The following KCNN2 variants were observed in gnomAD, a reference collection of about 807,000 sequenced individuals.
KCNN2 encodes the protein small conductance calcium-activated potassium channel protein 2.
A neutral mutation model predicts 55.5 loss-of-function variants in KCNN2; 24 were observed. The ratio of observed to expected loss-of-function variants is 0.43; its 90% confidence interval spans 0.31 to 0.61. The LOEUF (loss-of-function observed/expected upper bound fraction) is 0.61. Among genes scored for constraint, KCNN2 ranks in the 20% least tolerant of loss-of-function variants. The pLI is 0.08. For missense variants in KCNN2, 754 were observed against 853.6 expected, an observed-to-expected ratio of 0.88 and a Z score of 1.45; for synonymous variants, 431 against 336.1, an observed-to-expected ratio of 1.28 and a Z score of -3.09.
At chr5:114,158,902 G>A (rs4705630) in intron 1 of KCNN2, among the ~76,000 whole-genome samples, 17,445 of 152,058 alleles carry the variant, frequency 0.11, 1,164 homozygotes, top group Middle Eastern at 0.24. Context: ...GGAGATTTTG[G>A]GCTGAGATGA....
chr5:114,266,979 C>A (rs1300004419), intron 2 of KCNN2, among the ~76,000 whole-genome samples: 1 of 143,182 alleles, frequency 7.0e-6, no homozygotes, highest in East Asian at 2.2e-4. Flanking sequence ...GCTTCACGAA[C>A]ACCCCTTCCC....
chr5:114,485,700 A>T (rs1762409652), intron 5 of KCNN2, among the ~76,000 whole-genome samples: 1 of 152,178 alleles, frequency 6.6e-6, no homozygotes, highest in Admixed American at 6.5e-5. Flanking sequence ...AGTCTAATAG[A>T]TATCCAAAGG....
intron 2 of KCNN2, among the ~76,000 whole-genome samples, chr5:114,228,601 GA>G (rs1754289125): frequency 6.6e-6 from 1 of 152,058 alleles, no homozygotes. Context: ...AATTGTGCCT[GA>G]AATTGCAGTT....
At chr5:114,148,000 T>A (rs999879169) in intron 1 of KCNN2, among the ~76,000 whole-genome samples, 3 of 152,150 alleles carry the variant, frequency 2.0e-5, no homozygotes, top group Admixed American at 6.6e-5. Flanking sequence ...TAACGAAGAA[T>A]GTAATTATTT....
rs777915592 is a variant in KCNN2 at position 114,362,758 on chromosome 5, C to A, written c.619C>A (p.Pro207Thr). Residue 207 changes from proline (P) to threonine (T), a missense_variant, in exon 1 of 8, where the codon CCC becomes ACC. Physicochemically the swap from Pro to Thr is conservative, Grantham distance 38. This residue lies in a region of KCNN2 where 381 missense variants were observed against 259.1 expected (regional missense o/e 1.47). Coordinates refer to ENST00000673685, the MANE Select transcript of KCNN2 (RefSeq NM_021614.4). The stretch of plus-strand genomic sequence containing the variant: ...GCCCCAGGCGCGCCGCGAGAGCAAC[C>A]CCTTCACCGAAATAGCCATGAGCAG... ...HQPQARRESN[P>T]FTEIAMSSCR... 8.9e-6 allele frequency: 14 copies of A among 1,565,278 alleles called. No homozygotes were observed. The Admixed American group carries it at 2.5e-4, about 28-fold the overall frequency.
At chr5:114,070,718 T>C (rs1750550732) in intron 1 of KCNN2, among the ~76,000 whole-genome samples, 1 of 152,214 alleles carries the variant, frequency 6.6e-6, no homozygotes, top group Non-Finnish European at 1.5e-5. Context: ...TATTTGTGAA[T>C]TATAATTAAA....
intron 2 of KCNN2, among the ~76,000 whole-genome samples, chr5:114,369,482 A>G (rs572376426): frequency 3.9e-5 from 6 of 152,198 alleles, no homozygotes; most frequent in Admixed American, 6.5e-5. Flanking sequence ...GTTTTCTGCT[A>G]TGGTAGTTTC....
chr5:114,269,355 C>G (rs995302902), intron 2 of KCNN2, among the ~76,000 whole-genome samples: 1 of 152,170 alleles, frequency 6.6e-6, no homozygotes, highest in African/African-American at 2.4e-5. Context: ...TTCCTAACTT[C>G]CAAACTGATT....
chr5:114,074,503 A>G (rs983594876), intron 1 of KCNN2, among the ~76,000 whole-genome samples: 6 of 152,208 alleles, frequency 3.9e-5, no homozygotes, highest in Non-Finnish European at 8.8e-5. Context: ...GAACAGATTA[A>G]TCACTGCCAA....
intron 2 of KCNN2, among the ~76,000 whole-genome samples, chr5:114,304,990 T>C (rs552830640): frequency 4.6e-4 from 70 of 151,788 alleles, no homozygotes; most frequent in Admixed American, 1.0e-3. Flanking sequence ...AGATTGCTGA[T>C]TTTTTTTAAG....
At chr5:114,386,953 T>C (rs1758308704) in intron 2 of KCNN2, among the ~76,000 whole-genome samples, 1 of 152,218 alleles carries the variant, frequency 6.6e-6, no homozygotes, top group African/African-American at 2.4e-5. Flanking sequence ...TAGGATGCTG[T>C]ACTTTTGTGT....
At position 114,468,331 on chromosome 5, in the gene KCNN2, C is replaced by G. The variant is rs532282328; in HGVS notation, c.1780-4723C>G. The stretch of plus-strand genomic sequence containing the variant: ...TGAAAGAATAATTATTTATGTCAGT[C>G]AAGTATAGTAAAAATGTTTTTATGG... On this transcript the variant is annotated intron_variant, in intron 4 of 7. Transcript: ENST00000673685. 1.0e-3 allele frequency among the ~76,000 whole-genome samples: 157 copies of G among 152,120 alleles called. 1 individual carries two copies. The highest frequency in any genetic ancestry group is 7.2e-4 in the Admixed American group (11 of 15,258).
At chr5:114,138,929 C>T (rs973256552) in intron 1 of KCNN2, among the ~76,000 whole-genome samples, 8 of 152,022 alleles carry the variant, frequency 5.3e-5, no homozygotes, top group African/African-American at 1.9e-4. Context: ...TCTGGTCACA[C>T]GTTATGGCAA....
intron 1 of KCNN2, among the ~76,000 whole-genome samples, chr5:114,079,844 TGAGAGA>T (rs370135875): frequency 0.092 from 13,757 of 149,424 alleles, 736 homozygotes; most frequent in Middle Eastern, 0.16. Context: ...TGTGTGTGTG[TGAGAGA>T]GAGAGAGAGA....
intron 1 of KCNN2, among the ~76,000 whole-genome samples, chr5:114,134,779 C>T (rs770227455): frequency 3.9e-5 from 6 of 152,072 alleles, no homozygotes; most frequent in Non-Finnish European, 7.4e-5. Context: ...CCAGCCCAGC[C>T]GTGATAATTC....
At chr5:114,085,774 T>C (rs75715803) in intron 1 of KCNN2, among the ~76,000 whole-genome samples, 4,023 of 152,196 alleles carry the variant, frequency 0.026, 82 homozygotes, top group Non-Finnish European at 0.038. Flanking sequence ...AAGTCTCCTT[T>C]ATATTTACTA....
At chr5:114,321,515 C>T (rs1161155553) in intron 2 of KCNN2, among the ~76,000 whole-genome samples, 1 of 152,158 alleles carries the variant, frequency 6.6e-6, no homozygotes, top group African/African-American at 2.4e-5. Context: ...GACTTGGTGG[C>T]AGGAAATGAA....
chr5:114,122,401 T>C (rs974225833), intron 1 of KCNN2, among the ~76,000 whole-genome samples: 3 of 152,304 alleles, frequency 2.0e-5, no homozygotes, highest in African/African-American at 7.2e-5. Flanking sequence ...AGAATCTTCA[T>C]ATGCACTGAT....
Position 114,486,969 on chromosome 5 carries a change from G to T in KCNN2, c.1891-81G>T, listed in dbSNP as rs914407324. The stretch of plus-strand genomic sequence containing the variant: ...AGCTACAGCTCACCATGATCCTTGG[G>T]ATGAAGACTATGACCCCCAGCAAAG... On this transcript the variant is annotated intron_variant, in intron 5 of 7. Transcript: ENST00000673685. 5 of 1,496,998 alleles carry T rather than the reference G, an allele frequency of 3.3e-6. No individual in the cohort carries two copies. In the African/African-American group the frequency reaches 7.0e-5, roughly 21 times the overall value. 92.7% of individuals were successfully genotyped at this position (1,496,998 alleles called of 1,614,324 possible). A position where few individuals can be genotyped will look rare whatever the true frequency, so the allele number is the denominator to read the frequency against.
Sources: gnomAD v4.1 joint callset for allele counts (sites outside exome capture counted in the v4.1 genomes callset) on GRCh38, gnomAD v4.1.1 for gene constraint, gnomAD v4.1.1 regional missense constraint, MANE v1.5 for transcripts, NCBI Gene and HGNC (gene_info 2026-07-23, HGNC 2026-07-21) for gene names.